The following KIDINS220 variants were observed in gnomAD, a reference collection of about 807,000 sequenced individuals.
KIDINS220 encodes kinase D-interacting substrate of 220 kDa.
A neutral mutation model predicts 157.6 loss-of-function variants in KIDINS220; 63 were observed. The ratio of observed to expected loss-of-function variants is 0.40; its 90% CI spans 0.33 to 0.49. The LOEUF is 0.49. Among genes scored for constraint, KIDINS220 ranks in the 20% least tolerant of loss-of-function variants. The pLI, the probability that KIDINS220 is intolerant of heterozygous loss-of-function variation, is 0.66. For synonymous variants in KIDINS220, 732 were observed against 783.6 expected (o/e 0.93, Z 1.10); for missense variants, 1,772 against 2,171.2 (o/e 0.82, Z 3.65).
chr2:8,735,751 C>T (rs908895203), intron 27 of KIDINS220, among the ~76,000 whole-genome samples: 2 of 152,146 alleles, frequency 1.3e-5, no homozygotes, highest in African/African-American at 4.8e-5. Context: ...CTGAAGAAAA[C>T]AGTATACACA....
chr2:8,771,893 G>A (rs1436483750), intron 21 of KIDINS220, among the ~76,000 whole-genome samples: 3 of 152,054 alleles, frequency 2.0e-5, no homozygotes, highest in Non-Finnish European at 4.4e-5. Context: ...ACAGTGCTGT[G>A]TGAAAAGAGA....
chr2:8,779,628 G>A, intron 18 of KIDINS220, 46 bp downstream of exon 18: 2 of 1,569,736 alleles, frequency 1.3e-6, no homozygotes, highest in Non-Finnish European at 1.7e-6. Context: ...ATTCTCTCAA[G>A]TGCCACAACA....
intron 22 of KIDINS220, among the ~76,000 whole-genome samples, chr2:8,752,609 A>G (rs371444374): frequency 1.8e-4 from 27 of 152,160 alleles, no homozygotes; most frequent in African/African-American, 5.8e-4. Context: ...TACGAAAGCA[A>G]ATCTGACTGG....
intron 22 of KIDINS220, among the ~76,000 whole-genome samples, chr2:8,760,133 T>G (rs1037181026): frequency 2.6e-5 from 4 of 152,192 alleles, no homozygotes; most frequent in Admixed American, 6.5e-5. Context: ...AAGAATGCTG[T>G]TACATATTAC....
intron 26 of KIDINS220, among the ~76,000 whole-genome samples, chr2:8,744,385 AAAAATATATATATATAATATATAT>A (rs1666178329): frequency 2.1e-4 from 6 of 28,048 alleles, no homozygotes; most frequent in East Asian, 2.0e-3. Context: ...AAAAAAAAAA[AAAAATATATATATATAATATATAT>A]ATATATATAT....
chr2:8,761,301 T>C (rs1668719751), intron 22 of KIDINS220, among the ~76,000 whole-genome samples: 1 of 152,324 alleles, frequency 6.6e-6, no homozygotes, highest in South Asian at 2.1e-4. Flanking sequence ...AAAGTAGATC[T>C]ATGAATATGT....
chr2:8,806,662 T>C (rs1175600018), intron 6 of KIDINS220, among the ~76,000 whole-genome samples: 1 of 152,150 alleles, frequency 6.6e-6, no homozygotes, highest in Non-Finnish European at 1.5e-5. Context: ...CTCACTGCAA[T>C]CTCTGCCTCC....
chr2:8,800,186 CT>C (rs1348716843), intron 9 of KIDINS220: 13 of 441,128 alleles, frequency 2.9e-5, no homozygotes, highest in Non-Finnish European at 4.4e-5. Flanking sequence ...AAAACATGAG[CT>C]TTTTTGGTTT....
chr2:8,779,958 A>G (rs1433177348), intron 17 of KIDINS220, 144 bp from the exon 18 acceptor site: 1 of 783,896 alleles, frequency 1.3e-6, no homozygotes, highest in Admixed American at 2.7e-5. Context: ...TCCACTTAAA[A>G]TAAGAGCGAG....
At chr2:8,783,356 A>G (rs922687880) in intron 17 of KIDINS220, among the ~76,000 whole-genome samples, 6 of 152,242 alleles carry the variant, frequency 3.9e-5, no homozygotes, top group Non-Finnish European at 7.3e-5. Context: ...GAGTATCTGT[A>G]GTTAACATCA....
intron 22 of KIDINS220, among the ~76,000 whole-genome samples, chr2:8,767,304 C>T (rs184397520): frequency 6.6e-6 from 1 of 151,980 alleles, no homozygotes; most frequent in Non-Finnish European, 1.5e-5. Context: ...ATGACAACAC[C>T]AATACCTACA....
At chr2:8,783,063 G>C (rs1414730804) in intron 17 of KIDINS220, among the ~76,000 whole-genome samples, 2 of 152,134 alleles carry the variant, frequency 1.3e-5, no homozygotes, top group African/African-American at 4.8e-5. Context: ...TGGGCATGCT[G>C]TTGCATGCCT....
chr2:8,821,823 A>G (rs1677997815), intron 2 of KIDINS220, among the ~76,000 whole-genome samples: 1 of 152,230 alleles, frequency 6.6e-6, no homozygotes, highest in Non-Finnish European at 1.5e-5. Flanking sequence ...AATAAAGCCT[A>G]TCTTTGGATT....
chr2:8,726,687 CACATCTGTACAGCACG>C (rs1461822193), downstream of KIDINS220, among the ~76,000 whole-genome samples: 1 of 152,316 alleles, frequency 6.6e-6, no homozygotes, highest in African/African-American at 2.4e-5. Flanking sequence ...CTCCTAGCTA[CACATCTGTACAGCACG>C]GTACTGAATA....
Position 8,731,126 on chromosome 2 carries a change from T to C in KIDINS220, c.4910A>G (p.Asp1637Gly). The change falls in exon 30 of 30, where the codon GAT (aspartate) becomes GGT (glycine). Residue 1637 changes from aspartate (D) to glycine (G), a missense_variant. Asp to Gly is a moderately conservative substitution (Grantham distance 94, BLOSUM62 -1). Coordinates refer to ENST00000256707, the MANE Select transcript of KIDINS220 (RefSeq NM_020738.4). The surrounding 1 kb of genome is among the most constrained non-coding windows in gnomAD (Gnocchi z 5.2). ...GIPHSLSGLQ[D>G]PIIARMSICS... ...AATGGACATCCGAGCTATAATTGGA[T>C]CTTGCAGGCCACTCAGGCTATGTGG... 1 of 1,614,156 alleles carries C rather than the reference T, an allele frequency of 6.2e-7. No individual in the cohort carries two copies. Among genetic ancestry groups the C allele is most frequent in the Non-Finnish European group, 8.5e-7 (1 of 1,180,016 alleles).
intron 12 of KIDINS220, among the ~76,000 whole-genome samples, chr2:8,792,037 G>C (rs1183229947): frequency 6.6e-6 from 1 of 152,138 alleles, no homozygotes; most frequent in Non-Finnish European, 1.5e-5. Context: ...AGTAAGTGGT[G>C]TTGGGAAAGT....
chr2:8,831,033 A>G (rs1321309059), intron 1 of KIDINS220, among the ~76,000 whole-genome samples: 1 of 152,208 alleles, frequency 6.6e-6, no homozygotes, highest in Admixed American at 6.5e-5. Context: ...CATTTGCCAC[A>G]CTGAAGCAAG....
At chr2:8,758,808 A>T (rs544345052) in intron 22 of KIDINS220, among the ~76,000 whole-genome samples, 1 of 152,074 alleles carries the variant, frequency 6.6e-6, no homozygotes, top group South Asian at 2.1e-4. Flanking sequence ...CACCTTTCCT[A>T]CCATGTTGGA....
intron 21 of KIDINS220, among the ~76,000 whole-genome samples, chr2:8,771,315 C>T (rs1288786135): frequency 7.2e-5 from 11 of 152,174 alleles, no homozygotes. Context: ...TTTTCACATA[C>T]TAAGGGTGGT....
Sources: gnomAD v4.1 joint callset for allele counts (sites outside exome capture counted in the v4.1 genomes callset) on GRCh38, gnomAD v4.1.1 for gene constraint, Gnocchi (gnomAD v3.1) non-coding constraint, MANE v1.5 for transcripts, NCBI Gene and HGNC (gene_info 2026-07-23, HGNC 2026-07-21) for gene names.